Variants in KIAA0586 observed in about 807,000 individuals in gnomAD.
KIAA0586 encodes the protein KIAA0586.
KIAA0586 carries 144 observed loss-of-function variants against 169.8 expected under a neutral mutation model. The observed-to-expected ratio is 0.85, with a 90% confidence interval of 0.74 to 0.97. The LOEUF is 0.97. KIAA0586 is among the 50% of genes least tolerant of loss of function. The probability of loss-of-function intolerance (pLI) is 0.00; values close to 1 mark genes in which losing one functional copy is unlikely to be tolerated. For synonymous variants in KIAA0586, 625 were observed against 612.4 expected (o/e 1.02, Z -0.30); for missense variants, 1,854 against 1,823.0 (o/e 1.02, Z -0.31).
Position 58,547,637 on chromosome 14 carries a change from C to T in KIAA0586, c.4496-144C>T, listed in dbSNP as rs78875139. The T allele has an allele frequency of 1.2e-3, 813 of 690,408 alleles. 15 individuals carry two copies. The East Asian group carries it at 0.022, about 18-fold the overall frequency. The allele number at this position is 690,408 out of a possible 1,614,324, so 42.8% of individuals were successfully genotyped here. ...TACCTCTCTGACAAGTTCTGAGCAC[C>T]TTGGGACAAGAGAGTCCCTTGTAGG... On this transcript the variant is annotated intron_variant, in intron 30 of 30. Coordinates refer to ENST00000652326, the MANE Select transcript of KIAA0586 (RefSeq NM_001329943.3).
At chr14:58,455,670 A>ATG (rs879668240) in intron 9 of KIAA0586, among the ~76,000 whole-genome samples, 1 of 131,172 alleles carries the variant, frequency 7.6e-6, no homozygotes, top group East Asian at 2.2e-4. Flanking sequence ...GCCATGGATT[A>ATG]CGTGTGTGTG....
In KIAA0586 at chr14:58,428,172, T is replaced by C; in HGVS notation, c.-93T>C. The stretch of plus-strand genomic sequence containing the variant: ...ATGTTCGACATTTTAAAAACAGTTA[T>C]TGCAAAGAGGTGAAAATTTTGTTCT... On this transcript the variant is annotated 5_prime_UTR_variant, in exon 1 of 31. Transcript: ENST00000652326. 6.7e-7 allele frequency: 1 copy of C among 1,501,432 alleles called. No individual in the cohort carries two copies. The highest frequency in any genetic ancestry group is 8.9e-7 in the Non-Finnish European group (1 of 1,128,422). 93.0% of individuals were successfully genotyped at this position (1,501,432 alleles called of 1,614,324 possible).
intron 20 of KIAA0586, among the ~76,000 whole-genome samples, chr14:58,478,053 T>C (rs543714440): frequency 6.6e-6 from 1 of 152,302 alleles, no homozygotes; most frequent in South Asian, 2.1e-4. Context: ...CCCTCTGTCA[T>C]CTAGGCTAGA....
At position 58,452,049 on chromosome 14, in the gene KIAA0586, G is replaced by A. The variant is rs567240401; in HGVS notation, c.1130-1301G>A. On this transcript the variant is annotated intron_variant, in intron 8 of 30. Transcript: ENST00000652326. ...GACATGTATTAACCAAACATCATAT[G>A]TTCTCACTCATAAATGGGAGCTAAG... Among the ~76,000 whole-genome samples, 6 of 152,220 alleles carry A rather than the reference G, an allele frequency of 3.9e-5. No homozygotes were observed. The East Asian group carries it at 1.2e-3, about 29-fold the overall frequency.
At chr14:58,486,542 CAAATTAAAACCACAGT>C in intron 21 of KIAA0586, among the ~76,000 whole-genome samples, 1 of 151,960 alleles carries the variant, frequency 6.6e-6, no homozygotes. Flanking sequence ...CAGAAAAATG[CAAATTAAAACCACAGT>C]GAGATACCAT....
rs1359387076 is a variant in KIAA0586, at chr14:58,549,449, G to A, written c.*1517G>A. 1 of 152,120 alleles carries A rather than the reference G, an allele frequency of 6.6e-6. No homozygotes were observed. The highest frequency in any genetic ancestry group is 1.9e-4 in the East Asian group (1 of 5,192). The allele number at this position is 152,120 out of a possible 1,614,324, so 9.4% of individuals were successfully genotyped here. On this transcript the variant is annotated 3_prime_UTR_variant, in exon 31 of 31. Transcript: ENST00000652326. ...AACTTCTAGTAGGAGCCATTGCCTG[G>A]GGATTTTTTTTCTCACTGAACATAG...
intron 4 of KIAA0586, among the ~76,000 whole-genome samples, chr14:58,438,070 C>T (rs2037987339): frequency 6.6e-6 from 1 of 152,068 alleles, no homozygotes; most frequent in Non-Finnish European, 1.5e-5. Context: ...ATTGAGCAAG[C>T]AGGATTCTTA....
intron 4 of KIAA0586, among the ~76,000 whole-genome samples, chr14:58,438,736 G>A (rs939744914): frequency 5.9e-5 from 9 of 152,166 alleles, no homozygotes; most frequent in Non-Finnish European, 1.0e-4. Flanking sequence ...TCTTGAAGAA[G>A]GTAGTACTTG....
chr14:58,449,515 C>A (rs982376924), intron 7 of KIAA0586, among the ~76,000 whole-genome samples: 1 of 152,124 alleles, frequency 6.6e-6, no homozygotes, highest in Non-Finnish European at 1.5e-5. Flanking sequence ...GGTGACAGAG[C>A]AAGACCCTGT....
chr14:58,484,903 T>TTTATATATATATTTTTATATATATA (rs61008808), intron 21 of KIAA0586, among the ~76,000 whole-genome samples: 2 of 13,500 alleles, frequency 1.5e-4, no homozygotes, highest in Non-Finnish European at 3.1e-4. Context: ...TATATATATA[T>TTTATATATATATTTTTATATATATA]ATATATATAT....
intron 1 of KIAA0586, 42 bp from the exon 2 acceptor site, chr14:58,429,321 C>T: frequency 2.5e-6 from 3 of 1,181,812 alleles, no homozygotes; most frequent in Non-Finnish European, 3.8e-6. Context: ...AGCTAAGGAT[C>T]TGATTTTAAA....
At chr14:58,557,127 A>T in the KIAA0586 span, among the ~76,000 whole-genome samples, 1 of 152,186 alleles carries the variant, frequency 6.6e-6, no homozygotes, top group Non-Finnish European at 1.5e-5. Context: ...GTTGATGGAC[A>T]TTTGGGGTGT....
intron 4 of KIAA0586, among the ~76,000 whole-genome samples, chr14:58,439,430 G>A (rs184199891): frequency 9.9e-5 from 15 of 152,032 alleles, no homozygotes; most frequent in African/African-American, 1.9e-4. Context: ...CTCGTGATCC[G>A]CCCGCCTCAG....
intron 29 of KIAA0586, among the ~76,000 whole-genome samples, chr14:58,532,128 A>G (rs2046011665): frequency 2.0e-5 from 3 of 152,096 alleles, no homozygotes; most frequent in African/African-American, 7.2e-5. Flanking sequence ...GCATGTGTGT[A>G]CCTATGTAAC....
intron 29 of KIAA0586, among the ~76,000 whole-genome samples, chr14:58,538,105 A>T (rs1023732136): frequency 6.6e-6 from 1 of 152,136 alleles, no homozygotes; most frequent in African/African-American, 2.4e-5. Context: ...GCAGTGAGCT[A>T]TGATTGTACC....
At chr14:58,558,730 A>G in the KIAA0586 span, among the ~76,000 whole-genome samples, 1 of 152,234 alleles carries the variant, frequency 6.6e-6, no homozygotes, top group Non-Finnish European at 1.5e-5. Flanking sequence ...GAATCTAAGA[A>G]TCATAATTCT....
At position 58,465,838 on chromosome 14, in the gene KIAA0586, C is replaced by G; in HGVS notation, c.2063C>G (p.Thr688Ser). 2 of 1,589,484 alleles carry G rather than the reference C, an allele frequency of 1.3e-6. No individual in the cohort carries two copies. Among genetic ancestry groups the G allele is most frequent in the South Asian group, 2.3e-5 (2 of 87,640 alleles). The change falls in exon 15 of 31, where the codon ACT (threonine) becomes AGT (serine). Residue 688 changes from threonine to serine, a missense_variant. Coordinates refer to ENST00000652326, the MANE Select transcript of KIAA0586 (RefSeq NM_001329943.3). ...CTGCCATTGGTGATTATTATAGGCA[C>G]TAAGGTAAAGTCAATAAGAACACAG... The part of the protein sequence containing the change: ...RPKVIERVKG[T>S]KVKSIRTQTD...
rs909729245 is a variant in KIAA0586 at position 58,550,689 on chromosome 14, C to G, written c.*2757C>G. On this transcript the variant is annotated 3_prime_UTR_variant, in exon 31 of 31. Coordinates refer to ENST00000652326, the MANE Select transcript of KIAA0586 (RefSeq NM_001329943.3). ...CTCTACCAAAAATACAAAAAATTAG[C>G]TGGTCATGGTTGCACACACCTGTAG... 6.6e-6 allele frequency: 1 copy of G among 151,920 alleles called. No homozygotes were observed. Among genetic ancestry groups the G allele is most frequent in the Non-Finnish European group, 1.5e-5 (1 of 68,092 alleles). The allele number at this position is 151,920 out of a possible 1,614,324, so 9.4% of individuals were successfully genotyped here.
At chr14:58,560,201 C>A in the KIAA0586 span, among the ~76,000 whole-genome samples, 1 of 151,360 alleles carries the variant, frequency 6.6e-6, no homozygotes. Flanking sequence ...CCCACCAAAC[C>A]AACAGCTGGT....
Sources: allele counts gnomAD v4.1 joint callset (sites outside exome capture counted in the v4.1 genomes callset), GRCh38; gene constraint gnomAD v4.1.1; transcripts MANE v1.5; gene names NCBI Gene and HGNC (gene_info 2026-07-23, HGNC 2026-07-21).